The following TENM3 variants were observed in gnomAD, a reference collection of about 807,000 sequenced individuals.
The protein encoded by TENM3 is teneurin-3.
In TENM3, 63 loss-of-function variants were observed where a neutral mutation model predicts 255.1. The ratio of observed to expected loss-of-function variants is 0.25; its 90% confidence interval spans 0.20 to 0.30. The LOEUF is 0.30. TENM3 is among the 10% of genes least tolerant of loss of function. The probability of loss-of-function intolerance (pLI) is 1.00; values close to 1 mark genes in which losing one functional copy is unlikely to be tolerated. For missense variants in TENM3, 2,929 were observed against 3,461.1 expected, an observed-to-expected ratio of 0.85 and a Z score of 3.86; for synonymous variants, 1,306 against 1,322.3, an observed-to-expected ratio of 0.99 and a Z score of 0.27.
At chr4:182,688,649 A>G (rs909755198) in intron 12 of TENM3, among the ~76,000 whole-genome samples, 16 of 152,144 alleles carry the variant, frequency 1.1e-4, no homozygotes, top group African/African-American at 3.9e-4. Context: ...TTTATCGAAT[A>G]TTACTTCTTG....
the TENM3 span, among the ~76,000 whole-genome samples, chr4:181,626,520 A>AGGGGAAGTGGAGCCTGCATGTTACATT: frequency 5.8e-4 from 89 of 152,292 alleles, no homozygotes; most frequent in African/African-American, 1.9e-3. Context: ...TCATGGCGGA[A>AGGGGAAGTGGAGCCTGCATGTTACATT]GGGGAAGTGG....
At chr4:181,835,494 G>C in the TENM3 span, among the ~76,000 whole-genome samples, 2 of 152,160 alleles carry the variant, frequency 1.3e-5, no homozygotes, top group African/African-American at 4.8e-5. Context: ...CATGAATAAT[G>C]AGGCTTGAGT....
At chr4:182,701,144 T>G (rs1561129423) in intron 12 of TENM3, among the ~76,000 whole-genome samples, 1 of 150,068 alleles carries the variant, frequency 6.7e-6, no homozygotes, top group Non-Finnish European at 1.5e-5. Context: ...AAGGTATTCA[T>G]TAATGAGTCC....
At chr4:181,926,361 T>C in the TENM3 span, among the ~76,000 whole-genome samples, 1 of 152,074 alleles carries the variant, frequency 6.6e-6, no homozygotes, top group Admixed American at 6.6e-5. Context: ...AGAAGAAAGT[T>C]CTGTTGAGGC....
the TENM3 span, among the ~76,000 whole-genome samples, chr4:181,582,669 C>CAAAAAAAAAAAAAAAAAAAAGAAAAAAAA: frequency 8.0e-6 from 1 of 124,756 alleles, no homozygotes; most frequent in Non-Finnish European, 1.6e-5. Context: ...CAAAACAAAT[C>CAAAAAAAAAAAAAAAAAAAAGAAAAAAAA]AAAAAAAAAA....
chr4:182,203,112 G>T (rs2149838862), intron 1 of TENM3, among the ~76,000 whole-genome samples: 1 of 152,150 alleles, frequency 6.6e-6, no homozygotes, highest in South Asian at 2.1e-4. Flanking sequence ...AGCTATTCGG[G>T]AGGCTGAGGC....
chr4:182,036,996 A>G, the TENM3 span, among the ~76,000 whole-genome samples: 12,492 of 152,138 alleles, frequency 0.082, 554 homozygotes, highest in East Asian at 0.13. Flanking sequence ...CTTGTGTGTT[A>G]TATACTTTTT....
the TENM3 span, among the ~76,000 whole-genome samples, chr4:182,090,502 T>A: frequency 7.9e-5 from 12 of 152,142 alleles, no homozygotes; most frequent in Non-Finnish European, 1.6e-4. Flanking sequence ...GCTAAGGAGA[T>A]CATAAATTCT....
At chr4:181,888,525 TAC>T in the TENM3 span, among the ~76,000 whole-genome samples, 277 of 99,656 alleles carry the variant, frequency 2.8e-3, 11 homozygotes, top group African/African-American at 5.5e-3. Context: ...TGTATATATA[TAC>T]ATATATGTGT....
chr4:181,681,337 C>G, the TENM3 span, among the ~76,000 whole-genome samples: 1 of 152,042 alleles, frequency 6.6e-6, no homozygotes, highest in Non-Finnish European at 1.5e-5. Flanking sequence ...ATTTTCTTCC[C>G]TTGGAAAGAA....
intron 18 of TENM3, among the ~76,000 whole-genome samples, chr4:182,739,475 T>G (rs1761435726): frequency 6.6e-6 from 1 of 152,138 alleles, no homozygotes; most frequent in South Asian, 2.1e-4. Context: ...GTACTCTACT[T>G]TTACTGATAG....
the TENM3 span, among the ~76,000 whole-genome samples, chr4:181,552,304 T>C: frequency 6.6e-6 from 1 of 152,208 alleles, no homozygotes; most frequent in Non-Finnish European, 1.5e-5. Context: ...CCAAGCATGA[T>C]TAAGTCTATT....
intron 1 of TENM3, among the ~76,000 whole-genome samples, chr4:182,203,230 G>T (rs1754318040): frequency 6.6e-6 from 1 of 150,680 alleles, no homozygotes; most frequent in Non-Finnish European, 1.5e-5. Context: ...AAAAAAAAAA[G>T]AAAAAGAAAA....
chr4:182,291,629 G>C (rs117996165), intron 1 of TENM3, among the ~76,000 whole-genome samples: 2,149 of 152,236 alleles, frequency 0.014, 50 homozygotes, highest in Admixed American at 0.062. Context: ...GTTATGTGAT[G>C]TGCTTCAGGT....
At position 182,405,587 on chromosome 4, in the gene TENM3, T is replaced by C. The variant is rs181588453; in HGVS notation, c.511+58658T>C. 2.5e-3 allele frequency among the ~76,000 whole-genome samples: 386 copies of C among 152,318 alleles called. 5 individuals are homozygous for C. The highest frequency in any genetic ancestry group is 6.8e-3 in the Admixed American group (104 of 15,312). ...ATCCGTTTATTTAACAAACGTTCAG[T>C]GAGTACTTGTGCTGTGTCAAGCTAG... On this transcript the variant is annotated intron_variant, in intron 3 of 27. Transcript: ENST00000511685.
the TENM3 span, among the ~76,000 whole-genome samples, chr4:182,004,470 A>G: frequency 2.0e-4 from 30 of 152,284 alleles, no homozygotes; most frequent in African/African-American, 5.1e-4. Context: ...TATCTAGCCT[A>G]TCATTGATAG....
chr4:181,692,133 T>C, the TENM3 span, among the ~76,000 whole-genome samples: 1 of 152,208 alleles, frequency 6.6e-6, no homozygotes, highest in South Asian at 2.1e-4. Flanking sequence ...TGATTTACTA[T>C]GGTTTGCAAG....
At chr4:181,628,936 T>C in the TENM3 span, among the ~76,000 whole-genome samples, 1 of 152,192 alleles carries the variant, frequency 6.6e-6, no homozygotes, top group South Asian at 2.1e-4. Context: ...AGTATGGCCA[T>C]TTTCACGATA....
chr4:182,001,544 G>A, the TENM3 span, among the ~76,000 whole-genome samples: 2 of 152,038 alleles, frequency 1.3e-5, no homozygotes, highest in African/African-American at 4.8e-5. Context: ...TCTTTTAGAA[G>A]CTATAATGAC....
Sources: allele counts gnomAD v4.1 joint callset (sites outside exome capture counted in the v4.1 genomes callset), GRCh38; gene constraint gnomAD v4.1.1; transcripts MANE v1.5; gene names NCBI Gene and HGNC (gene_info 2026-07-23, HGNC 2026-07-21).